SLC9A2: variants seen among roughly 807,000 people sequenced by gnomAD.
SLC9A2 encodes solute carrier family 9 member A2.
In SLC9A2, 42 loss-of-function variants were observed where a neutral mutation model predicts 71.7. That is an observed-to-expected ratio of 0.59 (90% confidence interval 0.46 to 0.76). The LOEUF (loss-of-function observed/expected upper bound fraction) is 0.76, where lower values mean the gene tolerates loss of function less well. SLC9A2 is among the 30% of genes least tolerant of loss of function. The pLI is 0.00. For synonymous variants in SLC9A2, 396 were observed against 392.5 expected, an observed-to-expected ratio of 1.01 and a Z score of -0.10; for missense variants, 829 against 1,017.4, an observed-to-expected ratio of 0.81 and a Z score of 2.52.
Position 102,683,474 on chromosome 2 carries a change from C to G in SLC9A2, c.1218C>G (p.Ala406=). The change falls in exon 4 of 12, where the codon GCC becomes GCG. Residue 406 remains alanine, a synonymous_variant. Transcript: ENST00000233969. ...TGGCCTTCTGCCTCATGTGGCGAGC[C>G]CTGGGTAATGAGTGCTTGTTTGCTA... The part of the protein sequence containing the change: ...FTLAFCLMWR[A]LGVFVLTQVI... The G allele has an allele frequency of 6.2e-7, 1 of 1,613,670 alleles. No homozygotes were observed. The highest frequency in any genetic ancestry group is 8.5e-7 in the Non-Finnish European group (1 of 1,179,606).
At chr2:102,653,747 G>A (rs1676879443) in intron 1 of SLC9A2, among the ~76,000 whole-genome samples, 1 of 152,262 alleles carries the variant, frequency 6.6e-6, no homozygotes. Flanking sequence ...AAAGGTGAAA[G>A]AGGAAATGGG....
intron 3 of SLC9A2, among the ~76,000 whole-genome samples, chr2:102,668,705 G>T (rs912415074): frequency 6.6e-6 from 1 of 152,200 alleles, no homozygotes; most frequent in Admixed American, 6.5e-5. Context: ...GCACCTGCTA[G>T]GCGGGGAGAG....
intron 1 of SLC9A2, among the ~76,000 whole-genome samples, chr2:102,656,223 A>G (rs185910296): frequency 5.3e-5 from 8 of 151,972 alleles, no homozygotes; most frequent in African/African-American, 1.9e-4. Flanking sequence ...TGCTGGCCCA[A>G]CCCACATCTC....
chr2:102,645,770 G>C (rs1676710039), intron 1 of SLC9A2, among the ~76,000 whole-genome samples: 1 of 151,998 alleles, frequency 6.6e-6, no homozygotes, highest in Non-Finnish European at 1.5e-5. Flanking sequence ...ATGAAAAGGA[G>C]TGAACAAAGC....
chr2:102,658,963 A>G (rs574170426), intron 2 of SLC9A2, among the ~76,000 whole-genome samples: 53 of 152,288 alleles, frequency 3.5e-4, no homozygotes, highest in African/African-American at 1.1e-3. Flanking sequence ...GTGAATGCTC[A>G]CTTTGTGCTC....
Position 102,710,879 on chromosome 2 carries a change from G to A in SLC9A2, c.*2390G>A, listed in dbSNP as rs905334505. Reference sequence around the variant, plus strand: ...GACTGTGGATCTTTGATAGGTCTTTGGTGTTGGTTGTAACAAAATTTGATT... The same window carrying A: ...GACTGTGGATCTTTGATAGGTCTTTAGTGTTGGTTGTAACAAAATTTGATT... On this transcript the variant is annotated 3_prime_UTR_variant, in exon 12 of 12. Transcript: ENST00000233969. The A allele has an allele frequency of 1.2e-4, 18 of 152,296 alleles. No homozygotes were observed. The highest frequency in any genetic ancestry group is 8.5e-4 in the Admixed American group (13 of 15,272). The allele number at this position is 152,296 out of a possible 1,614,324, so 9.4% of individuals were successfully genotyped here.
rs982824684 is a variant in SLC9A2 at position 102,710,776 on chromosome 2, G to A, written c.*2287G>A. The A allele has an allele frequency of 6.6e-6, 1 of 152,152 alleles. No individual in the cohort carries two copies. Among genetic ancestry groups the A allele is most frequent in the Non-Finnish European group, 1.5e-5 (1 of 68,022 alleles). The allele number at this position is 152,152 out of a possible 1,614,324, so 9.4% of individuals were successfully genotyped here. On this transcript the variant is annotated 3_prime_UTR_variant, in exon 12 of 12. Coordinates refer to ENST00000233969, the MANE Select transcript of SLC9A2 (RefSeq NM_003048.6). ...AAATATTGTCACAATCTAAATTTCT[G>A]TAGTAGAGAGAGCCGTAGCCCTTTG... is the stretch of plus-strand genomic sequence containing the variant.
intron 3 of SLC9A2, among the ~76,000 whole-genome samples, chr2:102,671,852 TCCCAGCA>T (rs1409200184): frequency 6.6e-6 from 1 of 152,186 alleles, no homozygotes; most frequent in Middle Eastern, 3.2e-3. Context: ...ACGCTTGCAA[TCCCAGCA>T]CTCTGGGAGG....
intron 3 of SLC9A2, among the ~76,000 whole-genome samples, chr2:102,672,046 T>G (rs375203557): frequency 6.6e-6 from 1 of 152,070 alleles, no homozygotes; most frequent in African/African-American, 2.4e-5. Context: ...GAGGCGGAGG[T>G]TGCAGTGAGC....
At chr2:102,703,934 A>G (rs1677923332) in intron 9 of SLC9A2, among the ~76,000 whole-genome samples, 1 of 152,200 alleles carries the variant, frequency 6.6e-6, no homozygotes. Flanking sequence ...GTTAATCAGA[A>G]GGGCATGGCA....
chr2:102,660,462 A>C lies in SLC9A2; in HGVS notation c.753+2435A>C, dbSNP rs75370198. 1.4e-3 allele frequency among the ~76,000 whole-genome samples: 209 copies of C among 152,374 alleles called. 4 individuals carry two copies. The East Asian group carries it at 0.031, about 23-fold the overall frequency. On this transcript the variant is annotated intron_variant, in intron 2 of 11. Coordinates refer to ENST00000233969, the MANE Select transcript of SLC9A2 (RefSeq NM_003048.6). ...CAGGGCATGCCCACAGGTTTGCCAAAGAATAAACTACTAGACGTTTCTCTC... is the reference window on the plus strand; with the variant it reads ...CAGGGCATGCCCACAGGTTTGCCAACGAATAAACTACTAGACGTTTCTCTC...
intron 11 of SLC9A2, among the ~76,000 whole-genome samples, chr2:102,706,162 A>C (rs1341387187): frequency 1.9e-5 from 1 of 53,702 alleles, no homozygotes; most frequent in East Asian, 5.8e-4. Context: ...TACTGAAAAT[A>C]CAAAAAATTA....
At chr2:102,649,959 A>G (rs1244089453) in intron 1 of SLC9A2, among the ~76,000 whole-genome samples, 1 of 152,226 alleles carries the variant, frequency 6.6e-6, no homozygotes, top group Non-Finnish European at 1.5e-5. Context: ...CAGCAATCCC[A>G]TTACTGGGTA....
At chr2:102,632,522 C>G (rs1350233457) in intron 1 of SLC9A2, among the ~76,000 whole-genome samples, 1 of 152,034 alleles carries the variant, frequency 6.6e-6, no homozygotes, top group Non-Finnish European at 1.5e-5. Flanking sequence ...TGCAACAGTC[C>G]TGTGCATTGT....
chr2:102,648,170 A>T (rs1394355699), intron 1 of SLC9A2, among the ~76,000 whole-genome samples: 1 of 152,200 alleles, frequency 6.6e-6, no homozygotes, highest in Non-Finnish European at 1.5e-5. Context: ...CATCCCTGGG[A>T]TGCAAGGCTG....
At chr2:102,683,193 G>A in intron 3 of SLC9A2, 68 bp from the exon 4 acceptor site, 1 of 1,093,348 alleles carries the variant, frequency 9.1e-7, no homozygotes. Flanking sequence ...TAGCTCTTAA[G>A]TGCTATCTCT....
chr2:102,639,413 A>G lies in SLC9A2; in HGVS notation c.290-18151A>G, dbSNP rs115435939. Among the ~76,000 whole-genome samples the G allele has an allele frequency of 1.8e-3, 269 of 152,282 alleles. 1 individual carries two copies. The highest frequency in any genetic ancestry group is 6.1e-3 in the African/African-American group (255 of 41,558). On this transcript the variant is annotated intron_variant, in intron 1 of 11. Transcript: ENST00000233969. ...CAGGCTTTGCACGTTTTATATCAAC[A>G]TTTGTCGAGTTGCCTTTTGAAGGAC...
intron 1 of SLC9A2, among the ~76,000 whole-genome samples, chr2:102,626,745 A>G (rs897298370): frequency 6.6e-5 from 10 of 152,202 alleles, no homozygotes; most frequent in Admixed American, 5.9e-4. Flanking sequence ...ATACAACCCC[A>G]TCAACAAGTG....
At chr2:102,646,796 A>G (rs1004324455) in intron 1 of SLC9A2, among the ~76,000 whole-genome samples, 1 of 90,938 alleles carries the variant, frequency 1.1e-5, no homozygotes, top group East Asian at 4.6e-4. Context: ...TATATCTCCA[A>G]TACAGGAGCA....
Sources: gnomAD v4.1 joint callset for allele counts (sites outside exome capture counted in the v4.1 genomes callset) on GRCh38, gnomAD v4.1.1 for gene constraint, MANE v1.5 for transcripts, NCBI Gene and HGNC (gene_info 2026-07-23, HGNC 2026-07-21) for gene names.